The following SAMD4A variants were observed in gnomAD, a reference collection of about 807,000 sequenced individuals.
SAMD4A encodes the protein protein Smaug homolog 1.
In SAMD4A, 33 loss-of-function variants were observed where a neutral mutation model predicts 81.3. The observed-to-expected ratio is 0.41, with a 90% CI of 0.31 to 0.54. SAMD4A has a LOEUF of 0.54. SAMD4A is among the 20% of genes least tolerant of loss of function. SAMD4A has a pLI of 0.37. For synonymous variants in SAMD4A, 389 were observed against 382.1 expected, an observed-to-expected ratio of 1.02 and a Z score of -0.21; for missense variants, 854 against 951.1, an observed-to-expected ratio of 0.90 and a Z score of 1.34.
chr14:54,662,191 A>G (rs2035656533), intron 2 of SAMD4A, among the ~76,000 whole-genome samples: 2 of 152,186 alleles, frequency 1.3e-5, no homozygotes, highest in African/African-American at 4.8e-5. Context: ...ACTCCAGCAT[A>G]GTTAAGGTAG....
chr14:54,749,188 G>A (rs1401167080), intron 5 of SAMD4A, among the ~76,000 whole-genome samples: 8 of 152,232 alleles, frequency 5.3e-5, no homozygotes, highest in East Asian at 3.9e-4. Flanking sequence ...GCATAATCTC[G>A]GCACACTTGA....
At chr14:54,653,478 T>TA (rs1450416838) in intron 2 of SAMD4A, among the ~76,000 whole-genome samples, 5 of 151,914 alleles carry the variant, frequency 3.3e-5, no homozygotes, top group Non-Finnish European at 5.9e-5. Flanking sequence ...TAGCTGGGAT[T>TA]ACAGGTGTGC....
rs764368957 is a variant in SAMD4A, at chr14:54,776,487, G to A, written c.1991G>A (p.Arg664His). 15 of 1,595,152 alleles carry A rather than the reference G, an allele frequency of 9.4e-6. No individual in the cohort carries two copies. The highest frequency in any genetic ancestry group is 7.0e-5 in the East Asian group (3 of 42,646). Residue 664 changes from arginine to histidine, a missense_variant, in exon 11 of 13, where the codon CGC becomes CAC. Around this residue, in one of 3 missense-constraint regions of SAMD4A, gnomAD observed 428 missense variants for 471.2 expected, o/e 0.91. Transcript: ENST00000554335. The part of the protein sequence containing the change: ...SRTHSSVQRT[R>H]SLPVHTSPQN... Reference sequence around the variant, plus strand: ...ACCCACAGCTCAGTCCAGAGGACCCGCTCGCTGCCCGTGCACACTTCCCCA... The same window carrying A: ...ACCCACAGCTCAGTCCAGAGGACCCACTCGCTGCCCGTGCACACTTCCCCA...
intron 8 of SAMD4A, among the ~76,000 whole-genome samples, chr14:54,766,817 A>G (rs920039183): frequency 4.6e-5 from 7 of 152,204 alleles, no homozygotes; most frequent in Admixed American, 1.3e-4. Context: ...TGAGTCCTCC[A>G]GCTACCTGTG....
chr14:54,654,142 C>G (rs80056806), intron 2 of SAMD4A, among the ~76,000 whole-genome samples: 2,857 of 152,268 alleles, frequency 0.019, 75 homozygotes, highest in African/African-American at 0.058. Context: ...TCCTCAGAAC[C>G]GGTAGATGAC....
intron 2 of SAMD4A, among the ~76,000 whole-genome samples, chr14:54,625,106 G>A (rs2034713050): frequency 6.6e-6 from 1 of 151,846 alleles, no homozygotes; most frequent in African/African-American, 2.4e-5. Context: ...CTGGTGGATG[G>A]CTTCCTATGT....
At chr14:54,675,712 A>G (rs2035979699) in intron 2 of SAMD4A, among the ~76,000 whole-genome samples, 1 of 152,226 alleles carries the variant, frequency 6.6e-6, no homozygotes, top group South Asian at 2.1e-4. Context: ...CTGAATACCA[A>G]CACAGTATGT....
chr14:54,694,936 T>A (rs1424658306), intron 2 of SAMD4A: 1 of 985,174 alleles, frequency 1.0e-6, no homozygotes, highest in East Asian at 1.1e-4. Flanking sequence ...GGTAAAGGGC[T>A]CATTGGAAGT....
intron 2 of SAMD4A, among the ~76,000 whole-genome samples, chr14:54,680,054 T>A (rs779067928): frequency 1.2e-4 from 18 of 152,212 alleles, no homozygotes; most frequent in Non-Finnish European, 2.9e-5. Flanking sequence ...TCCCTTATCT[T>A]CAGATCATGG....
At chr14:54,744,610 G>C (rs2037922812) in intron 4 of SAMD4A, among the ~76,000 whole-genome samples, 1 of 152,116 alleles carries the variant, frequency 6.6e-6, no homozygotes, top group Admixed American at 6.5e-5. Context: ...GAAGACTGTG[G>C]GATGAGACCC....
intron 3 of SAMD4A, among the ~76,000 whole-genome samples, chr14:54,735,585 G>C (rs2037672071): frequency 6.6e-6 from 1 of 152,162 alleles, no homozygotes; most frequent in South Asian, 2.1e-4. Flanking sequence ...AGGCCAAATG[G>C]AAACACTGAC....
At chr14:54,631,748 A>G (rs2034908327) in intron 2 of SAMD4A, among the ~76,000 whole-genome samples, 1 of 152,112 alleles carries the variant, frequency 6.6e-6, no homozygotes, top group Non-Finnish European at 1.5e-5. Flanking sequence ...TTTTTCTTTC[A>G]TAACCTCACT....
chr14:54,739,222 G>T (rs1206672017), intron 4 of SAMD4A, among the ~76,000 whole-genome samples: 3 of 151,384 alleles, frequency 2.0e-5, no homozygotes, highest in African/African-American at 7.3e-5. Flanking sequence ...CCCCATTTTG[G>T]GACAAAAGCC....
At chr14:54,624,086 T>C (rs4548794) in intron 2 of SAMD4A, among the ~76,000 whole-genome samples, 31,338 of 152,154 alleles carry the variant, frequency 0.21, 3,598 homozygotes, top group Middle Eastern at 0.29. Flanking sequence ...AGCGATTCAC[T>C]TGTCTCAGCC....
At chr14:54,569,265 CCTTCA>C (rs2033056668) in intron 2 of SAMD4A, among the ~76,000 whole-genome samples, 7 of 152,128 alleles carry the variant, frequency 4.6e-5, no homozygotes. Context: ...AGTGAGTGTG[CCTTCA>C]GAGCAGCAAG....
At chr14:54,757,399 G>C (rs2038270639) in intron 6 of SAMD4A, among the ~76,000 whole-genome samples, 2 of 147,150 alleles carry the variant, frequency 1.4e-5, no homozygotes, top group South Asian at 4.6e-4. Context: ...GTGTGTGTGT[G>C]TGTGTGTGTG....
Position 54,688,529 on chromosome 14 carries a change from G to A in SAMD4A, c.197-13533G>A, listed in dbSNP as rs149749263. Among the ~76,000 whole-genome samples the A allele has an allele frequency of 2.8e-4, 42 of 152,302 alleles. No homozygotes were observed. The East Asian group carries it at 5.4e-3, about 20-fold the overall frequency. The stretch of plus-strand genomic sequence containing the variant: ...CTTATGGCACTCTTCAAACCCAAAC[G>A]GGCCAAATCGTGGCTTCCCTGTCTA... On this transcript the variant is annotated intron_variant, in intron 2 of 12. Coordinates refer to ENST00000554335, the MANE Select transcript of SAMD4A (RefSeq NM_015589.6).
At chr14:54,566,143 G>C (rs994053571), upstream of SAMD4A, among the ~76,000 whole-genome samples, 1 of 151,916 alleles carries the variant, frequency 6.6e-6, no homozygotes, top group African/African-American at 2.4e-5. Context: ...GGCAGCAGCA[G>C]CGGCGGCTGC....
At chr14:54,698,052 C>G (rs181712412) in intron 2 of SAMD4A, among the ~76,000 whole-genome samples, 2 of 152,200 alleles carry the variant, frequency 1.3e-5, no homozygotes, top group African/African-American at 4.8e-5. Context: ...CCCCTACATT[C>G]TATTTACTGA....
Sources: gnomAD v4.1 joint callset for allele counts (sites outside exome capture counted in the v4.1 genomes callset) on GRCh38, gnomAD v4.1.1 for gene constraint, gnomAD v4.1.1 regional missense constraint, MANE v1.5 for transcripts, NCBI Gene and HGNC (gene_info 2026-07-23, HGNC 2026-07-21) for gene names.